The following AKAP8L variants were observed in gnomAD, a reference collection of about 807,000 sequenced individuals.
AKAP8L encodes A-kinase anchor protein 8-like.
In AKAP8L, 34 loss-of-function variants were observed where a neutral mutation model predicts 77.5. The observed-to-expected ratio is 0.44, with a 90% CI of 0.33 to 0.58. The LOEUF is 0.58. AKAP8L is among the 20% of genes least tolerant of loss of function. AKAP8L has a pLI of 0.02. For synonymous variants in AKAP8L, 342 were observed against 340.7 expected (o/e 1.00, Z -0.04); for missense variants, 806 against 887.6 (o/e 0.91, Z 1.17).
At position 15,397,411 on chromosome 19, in the gene AKAP8L, G is replaced by A. The variant is rs1164410789; in HGVS notation, c.1405+109C>T. ...TCCACCTGGGCCTGAGCCAAGGCTG[G>A]TCTCCTGACCTTCCCTGGGGGAACA... On this transcript the variant is annotated intron_variant, in intron 11 of 13. Coordinates refer to ENST00000397410, the MANE Select transcript of AKAP8L (RefSeq NM_014371.4). This position sits in a 1 kb window ranked among gnomAD's most constrained non-coding sequence, Gnocchi z 4.7. The A allele has an allele frequency of 3.4e-6, 5 of 1,486,590 alleles. No individual in the cohort carries two copies. Among genetic ancestry groups the A allele is most frequent in the Admixed American group, 1.9e-5 (1 of 52,622 alleles). The allele number at this position is 1,486,590 out of a possible 1,614,324, so 92.1% of individuals were successfully genotyped here. A position where few individuals can be genotyped will look rare whatever the true frequency, so the allele number is the denominator to read the frequency against.
intron 12 of AKAP8L, among the ~76,000 whole-genome samples, chr19:15,392,415 G>A (rs575701661): frequency 6.6e-6 from 1 of 152,046 alleles, no homozygotes; most frequent in Admixed American, 6.5e-5. Flanking sequence ...AGGATTACCT[G>A]AGCCCAGGAG....
At position 15,403,586 on chromosome 19, in the gene AKAP8L, C is replaced by T. The variant is rs1238557521; in HGVS notation, c.251G>A (p.Gly84Asp). ...SDTNANTSAS[G>D]SASADSVLSR... Reference sequence around the variant, plus strand: ...TAAAACGGAATCGGCACTGGCGCTACCCGAGGCACTAGTGTTTGCATTTGT... The same window carrying T: ...TAAAACGGAATCGGCACTGGCGCTATCCGAGGCACTAGTGTTTGCATTTGT... Residue 84 changes from glycine (G) to aspartate (D), a missense_variant, in exon 4 of 14, where the codon GGT (glycine) becomes GAT (aspartate). By Grantham distance (94) the Gly-to-Asp change is moderately conservative. This residue lies in a region of AKAP8L where 580 missense variants were observed against 694.1 expected (regional missense o/e 0.84). Transcript: ENST00000397410. This position sits in a 1 kb window ranked among gnomAD's most constrained non-coding sequence, Gnocchi z 4.3. The T allele has an allele frequency of 1.2e-6, 2 of 1,613,862 alleles. No homozygotes were observed. The highest frequency in any genetic ancestry group is 1.1e-5 in the South Asian group (1 of 91,078).
At position 15,392,214 on chromosome 19, in the gene AKAP8L, G is replaced by C. The variant is rs147651056; in HGVS notation, c.1536+4936C>G. On this transcript the variant is annotated intron_variant, in intron 12 of 13. Coordinates refer to ENST00000397410, the MANE Select transcript of AKAP8L (RefSeq NM_014371.4). Reference sequence around the variant, plus strand: ...TTGTAGGGTATAATATCAATATATTGGCTGAGCACAGTGGCTCATGCCTAT... The same window carrying C: ...TTGTAGGGTATAATATCAATATATTCGCTGAGCACAGTGGCTCATGCCTAT... Among the ~76,000 whole-genome samples, 24 of 152,316 alleles carry C rather than the reference G, an allele frequency of 1.6e-4. No homozygotes were observed. The East Asian group carries it at 4.6e-3, about 29-fold the overall frequency.
intron 1 of AKAP8L, among the ~76,000 whole-genome samples, chr19:15,418,580 AC>A (rs1252708792): frequency 3.9e-5 from 6 of 152,052 alleles, no homozygotes; most frequent in African/African-American, 1.4e-4. Context: ...AGAAAGGGAA[AC>A]CTAAGGCGTC....
rs763049501 is a variant in AKAP8L, at chr19:15,418,985, C to G, written c.-62G>C. The G allele has an allele frequency of 1.2e-6, 2 of 1,600,340 alleles. No individual in the cohort carries two copies. Among genetic ancestry groups the G allele is most frequent in the Non-Finnish European group, 1.7e-6 (2 of 1,178,104 alleles). On this transcript the variant is annotated 5_prime_UTR_variant, in exon 1 of 14. Coordinates refer to ENST00000397410, the MANE Select transcript of AKAP8L (RefSeq NM_014371.4). The stretch of plus-strand genomic sequence containing the variant: ...CTGCTGCTCTGAACATCCGACGCTG[C>G]GATAGCTGCTGCTAACCACAGGGTC...
At position 15,398,833 on chromosome 19, in the gene AKAP8L, G is replaced by C. The variant is rs1245565627; in HGVS notation, c.1157+469C>G. 1 of 1,014,966 alleles carries C rather than the reference G, an allele frequency of 9.9e-7. No homozygotes were observed. The highest frequency in any genetic ancestry group is 1.7e-5 in the African/African-American group (1 of 57,448). 62.9% of individuals were successfully genotyped at this position (1,014,966 alleles called of 1,614,324 possible). On this transcript the variant is annotated intron_variant, in intron 9 of 13. Coordinates refer to ENST00000397410, the MANE Select transcript of AKAP8L (RefSeq NM_014371.4). The surrounding 1 kb of genome is among the most constrained non-coding windows in gnomAD (Gnocchi z 9.2). ...GCCGCAGACAGGCCCGGCCTGACAG[G>C]GCCGGCGGGCAGGGCAGAAGGCAGG...
chr19:15,417,438 T>C (rs186751055), intron 1 of AKAP8L, among the ~76,000 whole-genome samples: 7 of 152,146 alleles, frequency 4.6e-5, no homozygotes, highest in South Asian at 2.1e-4. Context: ...TAGGTGTCAT[T>C]GTGTATACCG....
At chr19:15,418,565 G>A (rs540196555) in intron 1 of AKAP8L, among the ~76,000 whole-genome samples, 1 of 152,310 alleles carries the variant, frequency 6.6e-6, no homozygotes, top group African/African-American at 2.4e-5. Flanking sequence ...AAGGACCAAG[G>A]CCTGAGAAAG....
Position 15,403,855 on chromosome 19 carries a change from T to C in AKAP8L, c.122-140A>G. 2 of 1,050,772 alleles carry C rather than the reference T, an allele frequency of 1.9e-6. No individual in the cohort carries two copies. Among genetic ancestry groups the C allele is most frequent in the Non-Finnish European group, 2.8e-6 (2 of 705,294 alleles). The allele number at this position is 1,050,772 out of a possible 1,614,324, so 65.1% of individuals were successfully genotyped here. On this transcript the variant is annotated intron_variant, in intron 3 of 13. Transcript: ENST00000397410. This position sits in a 1 kb window ranked among gnomAD's most constrained non-coding sequence, Gnocchi z 4.3. Reference sequence around the variant, plus strand: ...CTAGCCACTGAAGCTAGATGGGCCCTGGTCATTCTGATGAGGGCCTCCTGT... The same window carrying C: ...CTAGCCACTGAAGCTAGATGGGCCCCGGTCATTCTGATGAGGGCCTCCTGT...
At chr19:15,394,789 T>C (rs1181829982) in intron 12 of AKAP8L, among the ~76,000 whole-genome samples, 1 of 152,200 alleles carries the variant, frequency 6.6e-6, no homozygotes, top group Non-Finnish European at 1.5e-5. Context: ...TTACCAAAGA[T>C]AACAATAATT....
chr19:15,397,076 C>T lies in AKAP8L; in HGVS notation c.1536+74G>A. ...AGTCCCTCACGGGCTGGCAGAGGTT[C>T]CAACTGCACAACCTCCCCAGAGGCC... On this transcript the variant is annotated intron_variant, in intron 12 of 13. Coordinates refer to ENST00000397410, the MANE Select transcript of AKAP8L (RefSeq NM_014371.4). The surrounding 1 kb of genome is among the most constrained non-coding windows in gnomAD (Gnocchi z 4.7). The T allele has an allele frequency of 6.3e-7, 1 of 1,588,668 alleles. No homozygotes were observed. The highest frequency in any genetic ancestry group is 1.1e-5 in the South Asian group (1 of 89,444).
rs1967812124 is a variant in AKAP8L at position 15,397,941 on chromosome 19, T to C, written c.1158-86A>G. ...CCTCACCCAACCCAGACACAAGCCC[T>C]GAAACAGGCCTTGCTCACGGGCCTC... On this transcript the variant is annotated intron_variant, in intron 9 of 13. Coordinates refer to ENST00000397410, the MANE Select transcript of AKAP8L (RefSeq NM_014371.4). This position sits in a 1 kb window ranked among gnomAD's most constrained non-coding sequence, Gnocchi z 4.7. 1.3e-6 allele frequency: 2 copies of C among 1,522,292 alleles called. No homozygotes were observed. The highest frequency in any genetic ancestry group is 1.2e-5 in the South Asian group (1 of 83,024). The allele number at this position is 1,522,292 out of a possible 1,614,324, so 94.3% of individuals were successfully genotyped here.
intron 12 of AKAP8L, 151 bp downstream of exon 12, chr19:15,396,999 T>A: frequency 9.3e-7 from 1 of 1,081,062 alleles, no homozygotes; most frequent in Non-Finnish European, 1.4e-6. Flanking sequence ...GTAGCTGTGC[T>A]GCCTGCACTG....
chr19:15,380,214 G>A lies in AKAP8L; in HGVS notation c.1849C>T (p.Pro617Ser). Residue 617 changes from proline (P) to serine (S), a missense_variant, in exon 14 of 14, where the codon CCC becomes TCC. Physicochemically the swap from Pro to Ser is moderately conservative, Grantham distance 74. Transcript: ENST00000397410. ...PPEEEEEGAV[P>S]LLGGALQRQI... ...CGTTGCAGCGCCCCTCCCAGCAAGG[G>A]CACGGCGCCCTCCTCCTCCTCCTCT... is the stretch of plus-strand genomic sequence containing the variant. 2.0e-6 allele frequency: 3 copies of A among 1,509,206 alleles called. No homozygotes were observed. The highest frequency in any genetic ancestry group is 1.8e-6 in the Non-Finnish European group (2 of 1,137,374). 93.5% of individuals were successfully genotyped at this position (1,509,206 alleles called of 1,614,324 possible).
intron 2 of AKAP8L, 92 bp downstream of exon 2, chr19:15,410,428 C>T (rs1968085470): frequency 2.7e-6 from 3 of 1,107,940 alleles, no homozygotes; most frequent in Non-Finnish European, 4.0e-6. Context: ...TTTAAAAAAG[C>T]ATGACAGGGT....
Position 15,380,125 on chromosome 19 carries a change from C to A in AKAP8L, c.1938G>T (p.Pro646=). 6.7e-7 allele frequency: 1 copy of A among 1,493,102 alleles called. No individual in the cohort carries two copies. The highest frequency in any genetic ancestry group is 8.8e-7 in the Non-Finnish European group (1 of 1,130,660). The allele number at this position is 1,493,102 out of a possible 1,614,324, so 92.5% of individuals were successfully genotyped here. The change falls in exon 14 of 14, where the codon CCG becomes CCT. Residue 646 remains proline (P), a synonymous_variant. Coordinates refer to ENST00000397410, the MANE Select transcript of AKAP8L (RefSeq NM_014371.4). ...CTCCGCCCGCCCCGAGCTCGGGTCA[C>A]GGGGCGCCCCCGCCGCCCTCCTCGT... The part of the protein sequence containing the change: ...EDDEEGGGGA[P]
At chr19:15,388,896 A>T (rs1297016270) in intron 12 of AKAP8L, among the ~76,000 whole-genome samples, 1 of 147,118 alleles carries the variant, frequency 6.8e-6, no homozygotes, top group Non-Finnish European at 1.5e-5. Flanking sequence ...AGCCTGGGCG[A>T]CAGAGCTAGA....
chr19:15,386,087 T>C (rs1967531764), intron 12 of AKAP8L, among the ~76,000 whole-genome samples: 1 of 151,982 alleles, frequency 6.6e-6, no homozygotes, highest in South Asian at 2.1e-4. Context: ...ATTTTTTGTA[T>C]TTTTAGTAGA....
intron 2 of AKAP8L, among the ~76,000 whole-genome samples, chr19:15,406,367 G>GAGAGAC (rs1379119477): frequency 1.6e-5 from 2 of 126,964 alleles, no homozygotes; most frequent in Admixed American, 8.0e-5. Flanking sequence ...TTTAAGGAGA[G>GAGAGAC]AGAGAGAGAG....
Sources: allele counts gnomAD v4.1 joint callset (sites outside exome capture counted in the v4.1 genomes callset), GRCh38; gene constraint gnomAD v4.1.1; regional missense constraint gnomAD v4.1.1; non-coding constraint Gnocchi (gnomAD v3.1); transcripts MANE v1.5; gene names NCBI Gene and HGNC (gene_info 2026-07-23, HGNC 2026-07-21).